The following EMP1 variants were observed in gnomAD, a reference collection of about 807,000 sequenced individuals.
EMP1 encodes tumor-associated membrane protein.
A neutral mutation model predicts 15.7 loss-of-function variants in EMP1; 5 were observed. That is an observed-to-expected ratio of 0.32 (90% confidence interval 0.17 to 0.67). EMP1 has a LOEUF of 0.67. EMP1 is among the 30% of genes least tolerant of loss of function. The pLI is 0.74. For synonymous variants in EMP1, 78 were observed against 76.7 expected (o/e 1.02, Z -0.09); for missense variants, 166 against 194.2 (o/e 0.85, Z 0.86).
At chr12:13,204,212 CT>C (rs943701591) in intron 1 of EMP1, among the ~76,000 whole-genome samples, 1 of 152,144 alleles carries the variant, frequency 6.6e-6, no homozygotes, top group Non-Finnish European at 1.5e-5. Flanking sequence ...GAAATGGCCC[CT>C]GAGAATCCTT....
rs1038776274 is a variant in EMP1 at position 13,218,187 on chromosome 12, T to C, written c.*3496T>C. On this transcript the variant is annotated 3_prime_UTR_variant, in exon 5 of 5. Transcript: ENST00000256951. ...TTATCAAATGGTTAATAGATAAAGA[T>C]CCCACTCTGCCTTGGATTTAGCCAT... 5 of 152,146 alleles carry C rather than the reference T, an allele frequency of 3.3e-5. No individual in the cohort carries two copies. The highest frequency in any genetic ancestry group is 5.9e-5 in the Non-Finnish European group (4 of 68,024). The allele number at this position is 152,146 out of a possible 1,614,324, so 9.4% of individuals were successfully genotyped here.
Position 13,214,976 on chromosome 12 carries a change from ACTGT to A in EMP1, c.*289_*292del, listed in dbSNP as rs913551089. ...CCTCCAGCTGTTCTTAGTGACACAC[ACTGT>A]CTGGGGCCCCATCAGCTGCCACAAC... On this transcript the variant is annotated 3_prime_UTR_variant, in exon 5 of 5. Coordinates refer to ENST00000256951, the MANE Select transcript of EMP1 (RefSeq NM_001423.3). 5 of 378,030 alleles carry A rather than the reference ACTGT, an allele frequency of 1.3e-5. No homozygotes were observed. Among genetic ancestry groups the A allele is most frequent in the African/African-American group, 1.0e-4 (5 of 48,656 alleles). 23.4% of individuals were successfully genotyped at this position (378,030 alleles called of 1,614,324 possible). A position where few individuals can be genotyped will look rare whatever the true frequency, so the allele number is the denominator to read the frequency against.
rs1249587280 is a variant in EMP1 at position 13,217,452 on chromosome 12, T to A, written c.*2761T>A. Reference sequence around the variant, plus strand: ...GGAGGCTGAAAAGTTCAACATATTTTAAGTCAATTAATCAAATTGCATTGA... The same window carrying A: ...GGAGGCTGAAAAGTTCAACATATTTAAAGTCAATTAATCAAATTGCATTGA... On this transcript the variant is annotated 3_prime_UTR_variant, in exon 5 of 5. Coordinates refer to ENST00000256951, the MANE Select transcript of EMP1 (RefSeq NM_001423.3). 2 of 152,230 alleles carry A rather than the reference T, an allele frequency of 1.3e-5. No homozygotes were observed. The highest frequency in any genetic ancestry group is 2.9e-5 in the Non-Finnish European group (2 of 68,042). 9.4% of individuals were successfully genotyped at this position (152,230 alleles called of 1,614,324 possible). A position where few individuals can be genotyped will look rare whatever the true frequency, so the allele number is the denominator to read the frequency against.
In EMP1 at chr12:13,214,738, G is replaced by C. The variant is rs373100799; in HGVS notation, c.*47G>C. On this transcript the variant is annotated 3_prime_UTR_variant, in exon 5 of 5. Transcript: ENST00000256951. ...TCTGGGGGGTGGGGAGGAGGAAGCC[G>C]TTGAATCTGGGAGGGAAGTGGAGGT... 1 of 1,498,542 alleles carries C rather than the reference G, an allele frequency of 6.7e-7. No individual in the cohort carries two copies. Among genetic ancestry groups the C allele is most frequent in the Non-Finnish European group, 9.0e-7 (1 of 1,111,334 alleles). The allele number at this position is 1,498,542 out of a possible 1,614,324, so 92.8% of individuals were successfully genotyped here. A position where few individuals can be genotyped will look rare whatever the true frequency, so the allele number is the denominator to read the frequency against.
At chr12:13,205,336 T>G (rs1864102042) in intron 1 of EMP1, among the ~76,000 whole-genome samples, 1 of 152,238 alleles carries the variant, frequency 6.6e-6, no homozygotes, top group African/African-American at 2.4e-5. Flanking sequence ...TATACCCTTG[T>G]ATATTCAAAT....
chr12:13,205,029 C>A (rs527292447), intron 1 of EMP1, among the ~76,000 whole-genome samples: 60 of 152,278 alleles, frequency 3.9e-4, no homozygotes, highest in African/African-American at 1.4e-3. Context: ...GCAAAGAGCA[C>A]ACTCGGACGT....
intron 1 of EMP1, among the ~76,000 whole-genome samples, chr12:13,207,925 G>T (rs1234582797): frequency 6.6e-6 from 1 of 152,192 alleles, no homozygotes; most frequent in African/African-American, 2.4e-5. Flanking sequence ...CTTTGGAACT[G>T]CTCAGTGCAC....
intron 1 of EMP1, among the ~76,000 whole-genome samples, chr12:13,200,124 T>C (rs1424270328): frequency 1.3e-5 from 2 of 152,184 alleles, no homozygotes; most frequent in African/African-American, 2.4e-5. Flanking sequence ...CCCACATGTA[T>C]GTACATAGCT....
At chr12:13,205,008 T>C (rs1294816247) in intron 1 of EMP1, among the ~76,000 whole-genome samples, 4 of 152,300 alleles carry the variant, frequency 2.6e-5, no homozygotes, top group African/African-American at 9.6e-5. Flanking sequence ...TTAAAAGTCA[T>C]GGTGGTCGTT....
rs1453542446 is a variant in EMP1 at position 13,205,507 on chromosome 12, A to G, written c.-42-5962A>G. 2.0e-5 allele frequency among the ~76,000 whole-genome samples: 3 copies of G among 152,282 alleles called. No individual in the cohort carries two copies. The East Asian group carries it at 5.8e-4, about 29-fold the overall frequency. ...GTCTATGTATGTTAAAAAAAAAAGG[A>G]AATATTTTCCCTCTATAATTCTGTG... is the stretch of plus-strand genomic sequence containing the variant. On this transcript the variant is annotated intron_variant, in intron 1 of 4. Coordinates refer to ENST00000256951, the MANE Select transcript of EMP1 (RefSeq NM_001423.3).
Position 13,215,855 on chromosome 12 carries a change from AG to A in EMP1, c.*1166del, listed in dbSNP as rs1864210350. 6.5e-6 allele frequency: 1 copy of A among 154,034 alleles called. No homozygotes were observed. Among genetic ancestry groups the A allele is most frequent in the Non-Finnish European group, 1.4e-5 (1 of 69,008 alleles). The allele number at this position is 154,034 out of a possible 1,614,324, so 9.5% of individuals were successfully genotyped here. A position where few individuals can be genotyped will look rare whatever the true frequency, so the allele number is the denominator to read the frequency against. ...ACCAAACAACAGGCCCTTGGGTGAA[AG>A]GTGCTATATAATTGTGAAGTATTAA... On this transcript the variant is annotated 3_prime_UTR_variant, in exon 5 of 5. Coordinates refer to ENST00000256951, the MANE Select transcript of EMP1 (RefSeq NM_001423.3).
Position 13,211,527 on chromosome 12 carries a change from C to A in EMP1, c.17C>A (p.Ala6Asp), listed in dbSNP as rs1318884696. The change falls in exon 2 of 5, where the codon GCT (alanine) becomes GAT (aspartate). Residue 6 changes from alanine to aspartate, a missense_variant. By Grantham distance (126) the Ala-to-Asp change is moderately radical. Transcript: ENST00000256951. This position sits in a 1 kb window ranked among gnomAD's most constrained non-coding sequence, Gnocchi z 4.7. ...AGAGCCAACATGTTGGTATTGCTGG[C>A]TGGTATCTTTGTGGTCCACATCGCT... MLVLL[A>D]GIFVVHIATV... 1 of 1,613,036 alleles carries A rather than the reference C, an allele frequency of 6.2e-7. No homozygotes were observed. The highest frequency in any genetic ancestry group is 2.2e-5 in the East Asian group (1 of 44,900).
chr12:13,201,813 A>G (rs1250381058), intron 1 of EMP1, among the ~76,000 whole-genome samples: 2 of 152,212 alleles, frequency 1.3e-5, no homozygotes, highest in Non-Finnish European at 2.9e-5. Context: ...TGACAACAGC[A>G]AAGCATTCAC....
At chr12:13,206,927 TTGTG>T (rs58176335) in intron 1 of EMP1, among the ~76,000 whole-genome samples, 31,368 of 148,938 alleles carry the variant, frequency 0.21, 3,757 homozygotes, top group East Asian at 0.51. Context: ...ATTCTTTCAT[TTGTG>T]TGTGTGTGTG....
Position 13,217,888 on chromosome 12 carries a change from T to A in EMP1, c.*3197T>A, listed in dbSNP as rs901506949. Reference sequence around the variant, plus strand: ...ATTTTGAAGGCAGGCAAGCCCAAAGTCTGCAAGGGGTGGGCCAGCAGAGAG... The same window carrying A: ...ATTTTGAAGGCAGGCAAGCCCAAAGACTGCAAGGGGTGGGCCAGCAGAGAG... On this transcript the variant is annotated 3_prime_UTR_variant, in exon 5 of 5. Transcript: ENST00000256951. 1.4e-4 allele frequency: 22 copies of A among 152,208 alleles called. No homozygotes were observed. Among genetic ancestry groups the A allele is most frequent in the African/African-American group, 4.3e-4 (18 of 41,442 alleles). 9.4% of individuals were successfully genotyped at this position (152,208 alleles called of 1,614,324 possible).
rs541697347 is a variant in EMP1, at chr12:13,198,556, C to T, written c.-43+1684C>T. Among the ~76,000 whole-genome samples the T allele has an allele frequency of 4.6e-5, 7 of 152,338 alleles. No homozygotes were observed. The South Asian group carries it at 1.2e-3, about 27-fold the overall frequency. On this transcript the variant is annotated intron_variant, in intron 1 of 4. Coordinates refer to ENST00000256951, the MANE Select transcript of EMP1 (RefSeq NM_001423.3). ...AAGATGAAGGGAACTCCTACATTTG[C>T]TTCACATGTTTATTATTTCCACATT...
At chr12:13,204,211 C>T (rs1413175979) in intron 1 of EMP1, among the ~76,000 whole-genome samples, 1 of 152,204 alleles carries the variant, frequency 6.6e-6, no homozygotes, top group East Asian at 1.9e-4. Flanking sequence ...GGAAATGGCC[C>T]CTGAGAATCC....
rs868764737 is a variant in EMP1, at chr12:13,218,565, G to A, written c.*3874G>A. 1 of 152,192 alleles carries A rather than the reference G, an allele frequency of 6.6e-6. No homozygotes were observed. Among genetic ancestry groups the A allele is most frequent in the African/African-American group, 2.4e-5 (1 of 41,444 alleles). The allele number at this position is 152,192 out of a possible 1,614,324, so 9.4% of individuals were successfully genotyped here. ...GACTCACTTTAAAGATGTATCATTT[G>A]GAGGTAGACACGATTTTCAGAGCAC... On this transcript the variant is annotated 3_prime_UTR_variant, in exon 5 of 5. Coordinates refer to ENST00000256951, the MANE Select transcript of EMP1 (RefSeq NM_001423.3).
intron 1 of EMP1, among the ~76,000 whole-genome samples, chr12:13,202,628 G>T (rs1864076113): frequency 6.6e-6 from 1 of 152,164 alleles, no homozygotes; most frequent in African/African-American, 2.4e-5. Context: ...GGGTTAGAAG[G>T]TTGCTCGGAG....
Sources: allele counts gnomAD v4.1 joint callset (sites outside exome capture counted in the v4.1 genomes callset), GRCh38; gene constraint gnomAD v4.1.1; non-coding constraint Gnocchi (gnomAD v3.1); transcripts MANE v1.5; gene names NCBI Gene and HGNC (gene_info 2026-07-23, HGNC 2026-07-21).